The following MAST4 variants were observed in gnomAD, a reference collection of about 807,000 sequenced individuals.
MAST4 encodes microtubule associated serine/threonine kinase family member 4.
In MAST4, 89 loss-of-function variants were observed where a neutral mutation model predicts 162.7. The observed-to-expected ratio is 0.55, with a 90% confidence interval of 0.46 to 0.65. The LOEUF (loss-of-function observed/expected upper bound fraction) is 0.65, where lower values mean the gene tolerates loss of function less well. MAST4 is among the 30% of genes least tolerant of loss of function. The probability of loss-of-function intolerance (pLI) is 0.00; values close to 1 mark genes in which losing one functional copy is unlikely to be tolerated. For synonymous variants in MAST4, 1,479 were observed against 1,361.1 expected (o/e 1.09, Z -1.91); for missense variants, 3,153 against 3,374.0 (o/e 0.93, Z 1.62).
At chr5:66,822,001 A>G (rs990900275) in intron 3 of MAST4, among the ~76,000 whole-genome samples, 5 of 152,158 alleles carry the variant, frequency 3.3e-5, no homozygotes, top group Admixed American at 3.3e-4. Flanking sequence ...CAGTTTCTCA[A>G]TTTCCCAGAA....
At chr5:66,879,376 ATATAC>A (rs1761539743) in intron 3 of MAST4, among the ~76,000 whole-genome samples, 1 of 152,010 alleles carries the variant, frequency 6.6e-6, no homozygotes, top group East Asian at 1.9e-4. Flanking sequence ...ATATATATAT[ATATAC>A]ATACACAAAT....
intron 4 of MAST4, among the ~76,000 whole-genome samples, chr5:66,963,097 A>G (rs1746220475): frequency 6.6e-6 from 1 of 152,212 alleles, no homozygotes; most frequent in African/African-American, 2.4e-5. Context: ...TGGTTCATTG[A>G]CAGTTGGATT....
intron 5 of MAST4, among the ~76,000 whole-genome samples, chr5:67,078,462 C>T (rs565402607): frequency 1.3e-5 from 2 of 151,226 alleles, no homozygotes; most frequent in African/African-American, 2.4e-5. Context: ...CAGCTTCACT[C>T]ATAATCATCT....
intron 4 of MAST4, among the ~76,000 whole-genome samples, chr5:66,971,834 C>T (rs1747466034): frequency 6.6e-6 from 1 of 152,018 alleles, no homozygotes; most frequent in South Asian, 2.1e-4. Flanking sequence ...AAACACATTT[C>T]ACATCATTTT....
chr5:67,123,170 A>G (rs958934212), intron 14 of MAST4, among the ~76,000 whole-genome samples: 21 of 152,306 alleles, frequency 1.4e-4, no homozygotes, highest in African/African-American at 5.1e-4. Flanking sequence ...ATCCATGTAC[A>G]GGGTCTACCA....
At chr5:67,126,122 T>C (rs1768200306) in intron 14 of MAST4, among the ~76,000 whole-genome samples, 1 of 152,238 alleles carries the variant, frequency 6.6e-6, no homozygotes, top group African/African-American at 2.4e-5. Flanking sequence ...TTGTTTAAGT[T>C]CTCTGTAGAG....
chr5:67,130,244 C>A lies in MAST4; in HGVS notation c.1780C>A (p.Gln594Lys), dbSNP rs779048875. The change falls in exon 15 of 29, where the codon CAG becomes AAG. Residue 594 changes from glutamine to lysine, a missense_variant. This residue lies in a region of MAST4 where 360 missense variants were observed against 450.0 expected (regional missense o/e 0.80). Transcript: ENST00000403625. Reference sequence around the variant, plus strand: ...CTTTGTTCGGCATAAAGAATCCCGGCAGAGGTTTGCCATGAAGAAGATTAA... The same window carrying A: ...CTTTGTTCGGCATAAAGAATCCCGGAAGAGGTTTGCCATGAAGAAGATTAA... ...VYFVRHKESR[Q>K]RFAMKKINKQ... 2 of 1,613,502 alleles carry A rather than the reference C, an allele frequency of 1.2e-6. No homozygotes were observed. The highest frequency in any genetic ancestry group is 1.7e-6 in the Non-Finnish European group (2 of 1,179,642).
chr5:66,788,548 G>T lies in MAST4; in HGVS notation c.518-122G>T. On this transcript the variant is annotated intron_variant, in intron 2 of 28. Transcript: ENST00000403625. ...AGGTTGCTATTAATGTTATTACTGGGTATGGCAGAAGTAATACAGAACAAG... is the reference window on the plus strand; with the variant it reads ...AGGTTGCTATTAATGTTATTACTGGTTATGGCAGAAGTAATACAGAACAAG... 4 of 1,271,634 alleles carry T rather than the reference G, an allele frequency of 3.1e-6. No individual in the cohort carries two copies. In the South Asian group the frequency reaches 5.3e-5, roughly 17 times the overall value. The allele number at this position is 1,271,634 out of a possible 1,614,324, so 78.8% of individuals were successfully genotyped here.
chr5:66,621,586 A>AT (rs767705103), intron 1 of MAST4, among the ~76,000 whole-genome samples: 9 of 152,132 alleles, frequency 5.9e-5, no homozygotes, highest in African/African-American at 9.7e-5. Flanking sequence ...TGTTTTAGGT[A>AT]TTTTTTGCAT....
rs1753843900 is a variant in MAST4, at chr5:67,020,526, G to A, written c.675-33878G>A. On this transcript the variant is annotated intron_variant, in intron 4 of 28. Coordinates refer to ENST00000403625, the MANE Select transcript of MAST4 (RefSeq NM_001164664.2). ...ACGTCCTCCATATTTTGGGATAGATGGGCTTACATCAGCTACTGTTAAACA... is the reference window on the plus strand; with the variant it reads ...ACGTCCTCCATATTTTGGGATAGATAGGCTTACATCAGCTACTGTTAAACA... 2.0e-5 allele frequency among the ~76,000 whole-genome samples: 3 copies of A among 152,308 alleles called. No individual in the cohort carries two copies. In the South Asian group the frequency reaches 6.2e-4, roughly 32 times the overall value.
chr5:66,692,334 A>G (rs908448607), intron 1 of MAST4, among the ~76,000 whole-genome samples: 3 of 151,374 alleles, frequency 2.0e-5, no homozygotes, highest in Admixed American at 6.6e-5. Flanking sequence ...GTCTCCCTAT[A>G]TAAGCTCTTT....
chr5:66,835,800 C>T (rs1644400077), intron 3 of MAST4, among the ~76,000 whole-genome samples: 1 of 152,092 alleles, frequency 6.6e-6, no homozygotes, highest in South Asian at 2.1e-4. Flanking sequence ...GCAATCAAAG[C>T]CATTTTACAG....
At chr5:66,797,491 T>A (rs917151685) in intron 3 of MAST4, among the ~76,000 whole-genome samples, 4 of 152,326 alleles carry the variant, frequency 2.6e-5, no homozygotes, top group Non-Finnish European at 4.4e-5. Flanking sequence ...AATCAGTGTG[T>A]TCCCCAGGAT....
intron 5 of MAST4, among the ~76,000 whole-genome samples, chr5:67,064,112 T>C (rs1759953817): frequency 6.6e-6 from 1 of 152,116 alleles, no homozygotes; most frequent in African/African-American, 2.4e-5. Flanking sequence ...AATTCACTGA[T>C]GGTATTTAAA....
chr5:66,796,107 C>T (rs965818731), intron 3 of MAST4, among the ~76,000 whole-genome samples: 1 of 152,142 alleles, frequency 6.6e-6, no homozygotes, highest in African/African-American at 2.4e-5. Context: ...TGAGCCCATC[C>T]ACAGAGTAGC....
At chr5:67,023,542 G>A (rs1271203970) in intron 4 of MAST4, among the ~76,000 whole-genome samples, 5 of 152,162 alleles carry the variant, frequency 3.3e-5, no homozygotes, top group African/African-American at 7.2e-5. Flanking sequence ...GAGAATCAAA[G>A]TGAGAAAGTC....
intron 3 of MAST4, among the ~76,000 whole-genome samples, chr5:66,870,393 G>A (rs936939713): frequency 1.3e-5 from 2 of 152,172 alleles, no homozygotes; most frequent in Non-Finnish European, 2.9e-5. Context: ...AGACTCCGCA[G>A]TGCTTTCTGT....
chr5:67,063,941 C>T (rs371725878), intron 5 of MAST4, among the ~76,000 whole-genome samples: 20 of 152,146 alleles, frequency 1.3e-4, no homozygotes, highest in South Asian at 2.1e-4. Context: ...ATGGAAGAAA[C>T]GAGAAAAATG....
At chr5:66,735,595 G>A (rs1349571013) in intron 1 of MAST4, among the ~76,000 whole-genome samples, 1 of 152,166 alleles carries the variant, frequency 6.6e-6, no homozygotes, top group Non-Finnish European at 1.5e-5. Flanking sequence ...CTTATCCTAG[G>A]ATCCATGCGC....
Sources: allele counts gnomAD v4.1 joint callset (sites outside exome capture counted in the v4.1 genomes callset), GRCh38; gene constraint gnomAD v4.1.1; regional missense constraint gnomAD v4.1.1; transcripts MANE v1.5; gene names NCBI Gene and HGNC (gene_info 2026-07-23, HGNC 2026-07-21).